The following TET1 variants were observed in gnomAD, a reference collection of about 807,000 sequenced individuals.
TET1 encodes the protein tet methylcytosine dioxygenase 1, also known as methylcytosine dioxygenase TET1.
In TET1, 13 loss-of-function variants were observed where a neutral mutation model predicts 148.7. The ratio of observed to expected loss-of-function variants is 0.09; its 90% confidence interval spans 0.06 to 0.14. The LOEUF (loss-of-function observed/expected upper bound fraction) is 0.14, where lower values mean the gene tolerates loss of function less well. Among genes scored for constraint, TET1 ranks in the 10% least tolerant of loss-of-function variants. The probability of loss-of-function intolerance (pLI) is 1.00; values close to 1 mark genes in which losing one functional copy is unlikely to be tolerated. For missense variants in TET1, 2,182 were observed against 2,553.8 expected, an observed-to-expected ratio of 0.85 and a Z score of 3.14; for synonymous variants, 907 against 937.2, an observed-to-expected ratio of 0.97 and a Z score of 0.59.
chr10:68,682,274 G>T (rs1026860297), intron 9 of TET1, among the ~76,000 whole-genome samples: 2 of 151,214 alleles, frequency 1.3e-5, no homozygotes, highest in East Asian at 3.9e-4. Context: ...ACCACACCCC[G>T]CTAATTTTTG....
intron 2 of TET1, among the ~76,000 whole-genome samples, chr10:68,591,821 TG>T (rs781774353): frequency 2.2e-4 from 33 of 151,654 alleles, no homozygotes; most frequent in Non-Finnish European, 4.3e-4. Context: ...AGGAGAATGG[TG>T]TGAACCCAAG....
chr10:68,623,930 T>C (rs1458765620), intron 3 of TET1, among the ~76,000 whole-genome samples: 1 of 152,198 alleles, frequency 6.6e-6, no homozygotes, highest in African/African-American at 2.4e-5. Flanking sequence ...CAAATCCTTT[T>C]CCAGCACTTT....
chr10:68,623,659 T>C (rs1005971413), intron 3 of TET1, among the ~76,000 whole-genome samples: 2 of 152,162 alleles, frequency 1.3e-5, no homozygotes, highest in Admixed American at 6.5e-5. Flanking sequence ...GGTGTATCTG[T>C]CACATAATTA....
intron 6 of TET1, among the ~76,000 whole-genome samples, chr10:68,656,538 T>C (rs1235952979): frequency 6.6e-6 from 1 of 152,160 alleles, no homozygotes; most frequent in East Asian, 1.9e-4. Flanking sequence ...CTAAAATAGA[T>C]TTTTTAACAG....
chr10:68,606,841 A>G (rs925701134), intron 3 of TET1, among the ~76,000 whole-genome samples: 1 of 152,206 alleles, frequency 6.6e-6, no homozygotes, highest in Non-Finnish European at 1.5e-5. Flanking sequence ...TATTGAACTC[A>G]TTTTGTCATA....
intron 6 of TET1, 66 bp from the exon 7 acceptor site, chr10:68,666,979 G>C: frequency 1.5e-6 from 2 of 1,313,604 alleles, no homozygotes; most frequent in Admixed American, 4.3e-5. Context: ...ACATCAAAAG[G>C]AATATCCATT....
Position 68,622,166 on chromosome 10 carries a change from CT to C in TET1, c.1968+21134del, listed in dbSNP as rs2054381104. ...GGATTCCATATAGGATACCTATGCCCTTCCTTCCTTCCTTCCTTCCTTCCTT... is the reference window on the plus strand; with the variant it reads ...GGATTCCATATAGGATACCTATGCCCTCCTTCCTTCCTTCCTTCCTTCCTT... On this transcript the variant is annotated intron_variant, in intron 3 of 11. Coordinates refer to ENST00000373644, the MANE Select transcript of TET1 (RefSeq NM_030625.3). 3.1e-4 allele frequency among the ~76,000 whole-genome samples: 8 copies of C among 25,398 alleles called. 1 individual carries two copies. In the South Asian group the frequency reaches 0.011, roughly 34 times the overall value. 16.7% of individuals were successfully genotyped at this position (25,398 alleles called of 152,430 possible). A position where few individuals can be genotyped will look rare whatever the true frequency, so the allele number is the denominator to read the frequency against.
chr10:68,569,873 G>A (rs1564946394), intron 1 of TET1, among the ~76,000 whole-genome samples: 1 of 151,370 alleles, frequency 6.6e-6, no homozygotes, highest in East Asian at 1.9e-4. Flanking sequence ...CCTTATTTGA[G>A]GAACTTCATC....
chr10:68,613,454 C>T (rs1002949539), intron 3 of TET1, among the ~76,000 whole-genome samples: 2 of 152,266 alleles, frequency 1.3e-5, no homozygotes, highest in African/African-American at 4.8e-5. Flanking sequence ...TTCCTAATTA[C>T]AGGAGATTAG....
chr10:68,611,688 C>A (rs1362378023), intron 3 of TET1, among the ~76,000 whole-genome samples: 1 of 150,920 alleles, frequency 6.6e-6, no homozygotes, highest in African/African-American at 2.4e-5. Context: ...CTTTTCTTTT[C>A]TTTTCTTTTC....
intron 4 of TET1, among the ~76,000 whole-genome samples, chr10:68,651,279 C>G (rs945311687): frequency 6.6e-6 from 1 of 151,988 alleles, no homozygotes; most frequent in African/African-American, 2.4e-5. Flanking sequence ...GAAACCCCGT[C>G]TCTACTAAAA....
intron 2 of TET1, among the ~76,000 whole-genome samples, chr10:68,578,158 C>T (rs34386000): frequency 0.13 from 20,388 of 151,922 alleles, 1,785 homozygotes; most frequent in South Asian, 0.24. Flanking sequence ...ATGCTGGGCG[C>T]GGTGGCTGGC....
chr10:68,612,481 C>T (rs1234065841), intron 3 of TET1, among the ~76,000 whole-genome samples: 10 of 152,070 alleles, frequency 6.6e-5, no homozygotes, highest in Admixed American at 6.6e-4. Flanking sequence ...ATCCACTGAT[C>T]CCCGGAGTTT....
At chr10:68,624,899 T>A (rs76396673) in intron 3 of TET1, among the ~76,000 whole-genome samples, 2 of 145,892 alleles carry the variant, frequency 1.4e-5, no homozygotes, top group African/African-American at 2.7e-5. Context: ...GCCCAGCTAA[T>A]TTTTTTTTGT....
chr10:68,644,688 T>C lies in TET1; in HGVS notation c.1969-10T>C, dbSNP rs2054812170. ...AAGTAGATGACATAAGTAATTTCTG[T>C]ATTTTACAGGCAGATTTTGACAACA... On this transcript the variant is annotated splice_polypyrimidine_tract_variant and intron_variant, in intron 3 of 11. Coordinates refer to ENST00000373644, the MANE Select transcript of TET1 (RefSeq NM_030625.3). 2 of 1,542,860 alleles carry C rather than the reference T, an allele frequency of 1.3e-6. No individual in the cohort carries two copies.
rs2054849514 is a variant in TET1, at chr10:68,646,466, G to A, written c.3737G>A (p.Arg1246Lys). 2 of 1,614,050 alleles carry A rather than the reference G, an allele frequency of 1.2e-6. No individual in the cohort carries two copies. The highest frequency in any genetic ancestry group is 3.3e-5 in the Admixed American group (2 of 59,984). Residue 1246 changes from arginine to lysine, a missense_variant, in exon 4 of 12, where the codon AGA (arginine) becomes AAA (lysine). This residue lies in a region of TET1 where 582 missense variants were observed against 599.5 expected (regional missense o/e 0.97). Transcript: ENST00000373644. Reference protein sequence around the residue: ...FPPLTQIKLQRYPESAEEKVK... With the variant: ...FPPLTQIKLQKYPESAEEKVK... The stretch of plus-strand genomic sequence containing the variant: ...CCACTCACTCAGATAAAATTACAGA[G>A]ATATCCTGAATCAGCAGAGGAAAAG...
At chr10:68,591,176 G>C (rs2053915100) in intron 2 of TET1, among the ~76,000 whole-genome samples, 1 of 152,226 alleles carries the variant, frequency 6.6e-6, no homozygotes, top group African/African-American at 2.4e-5. Context: ...AACAAAAAAA[G>C]CTAATGTGTC....
chr10:68,565,223 T>A lies in TET1; in HGVS notation c.-123+4481T>A, dbSNP rs186244961. 1.8e-3 allele frequency among the ~76,000 whole-genome samples: 274 copies of A among 152,184 alleles called. 3 individuals carry two copies. Among genetic ancestry groups the A allele is most frequent in the Admixed American group, 0.014 (220 of 15,276 alleles). ...TGGACATGGTGGCCCACACCTGTAG[T>A]CCTAGCACTTTAAGAGGCTCAGGAG... On this transcript the variant is annotated intron_variant, in intron 1 of 11. Coordinates refer to ENST00000373644, the MANE Select transcript of TET1 (RefSeq NM_030625.3).
intron 3 of TET1, among the ~76,000 whole-genome samples, chr10:68,607,923 G>C (rs1218478662): frequency 6.6e-6 from 1 of 151,046 alleles, no homozygotes; most frequent in Non-Finnish European, 1.5e-5. Flanking sequence ...GTGGGTAACA[G>C]AGGTAACAGT....
Sources: gnomAD v4.1 joint callset for allele counts (sites outside exome capture counted in the v4.1 genomes callset) on GRCh38, gnomAD v4.1.1 for gene constraint, gnomAD v4.1.1 regional missense constraint, MANE v1.5 for transcripts, NCBI Gene and HGNC (gene_info 2026-07-23, HGNC 2026-07-21) for gene names.